Variants in DGKG observed in about 807,000 individuals in gnomAD.
DGKG encodes the protein DAG kinase gamma.
A neutral mutation model predicts 105.3 loss-of-function variants in DGKG; 78 were observed. That is an observed-to-expected ratio of 0.74 (90% CI 0.62 to 0.89). The LOEUF is 0.89. Among genes scored for constraint, DGKG ranks in the 40% least tolerant of loss-of-function variants. The pLI is 0.00. For synonymous variants in DGKG, 346 were observed against 367.1 expected (o/e 0.94, Z 0.66); for missense variants, 958 against 1,020.1 (o/e 0.94, Z 0.83).
rs151084762 is a variant in DGKG, at chr3:186,204,996, C to T, written c.1917+6799G>A. On this transcript the variant is annotated intron_variant, in intron 21 of 24. Coordinates refer to ENST00000265022, the MANE Select transcript of DGKG (RefSeq NM_001346.3). The stretch of plus-strand genomic sequence containing the variant: ...ACCAGGCCAGGTGCAGTGGCTCATG[C>T]ATGTAATCCCAGCACTTTGGGAGGC... Among the ~76,000 whole-genome samples the T allele has an allele frequency of 5.0e-3, 760 of 152,262 alleles. 4 individuals are homozygous for T. The highest frequency in any genetic ancestry group is 0.017 in the African/African-American group (724 of 41,556).
intron 22 of DGKG, among the ~76,000 whole-genome samples, chr3:186,181,399 C>G (rs1717351012): frequency 6.6e-6 from 1 of 152,168 alleles, no homozygotes. Context: ...AAAGTATTAT[C>G]TAGTGAGATC....
At chr3:186,247,522 G>A (rs547445246) in intron 19 of DGKG, among the ~76,000 whole-genome samples, 4 of 152,144 alleles carry the variant, frequency 2.6e-5, no homozygotes, top group Admixed American at 6.5e-5. Context: ...AAACTTCCTC[G>A]GTTTACATAC....
At chr3:186,341,107 C>T (rs1026251121) in intron 1 of DGKG, among the ~76,000 whole-genome samples, 5 of 152,204 alleles carry the variant, frequency 3.3e-5, no homozygotes, top group Non-Finnish European at 7.3e-5. Flanking sequence ...AACTGGATCT[C>T]CCACTAGTTT....
chr3:186,214,451 T>C (rs1476044741), intron 20 of DGKG, among the ~76,000 whole-genome samples: 1 of 152,224 alleles, frequency 6.6e-6, no homozygotes, highest in African/African-American at 2.4e-5. Flanking sequence ...GCTGGCATAT[T>C]TGGATAATAT....
intron 7 of DGKG, among the ~76,000 whole-genome samples, chr3:186,281,700 C>A (rs1017942751): frequency 2.0e-5 from 3 of 152,030 alleles, no homozygotes; most frequent in African/African-American, 4.8e-5. Flanking sequence ...AAAGTGGGCA[C>A]AAAGGTGGGG....
Position 186,267,684 on chromosome 3 carries a change from C to G in DGKG, c.1209+1G>C. ...GCCCTCGCCGGGGCAGGAGCACTTA[C>G]CCGGGTGATGGGGCATATGGAGGTG... On this transcript the variant is annotated splice_donor_variant, in intron 13 of 24. Coordinates refer to ENST00000265022, the MANE Select transcript of DGKG (RefSeq NM_001346.3). LOFTEE classifies it high-confidence loss of function. The G allele has an allele frequency of 6.2e-7, 1 of 1,613,710 alleles. No homozygotes were observed. Among genetic ancestry groups the G allele is most frequent in the South Asian group, 1.1e-5 (1 of 91,068 alleles).
rs542316129 is a variant in DGKG, at chr3:186,180,422, TAAG to T, written c.2095+7777_2095+7779del. Among the ~76,000 whole-genome samples the T allele has an allele frequency of 1.2e-4, 19 of 152,244 alleles. No homozygotes were observed. The South Asian group carries it at 3.9e-3, about 32-fold the overall frequency. ...TGTTGCCATGGTTACTCCCCAGAGCTAAGAAGAGTCCCAGTGCACACACCCATA... is the reference window on the plus strand; with the variant it reads ...TGTTGCCATGGTTACTCCCCAGAGCTAAGAGTCCCAGTGCACACACCCATA... On this transcript the variant is annotated intron_variant, in intron 22 of 24. Transcript: ENST00000265022.
At chr3:186,295,359 G>A (rs769539858) in intron 5 of DGKG, among the ~76,000 whole-genome samples, 69 of 152,030 alleles carry the variant, frequency 4.5e-4, no homozygotes, top group Middle Eastern at 6.8e-3. Context: ...AGAATTAGCC[G>A]GGTGTGGTGG....
At position 186,280,764 on chromosome 3, in the gene DGKG, G is replaced by T; in HGVS notation, c.595-20C>A. ...CATCTCCTAGAAAATAGCAAAGGGA[G>T]AAAATATCAAAAGGAGACAACCAGA... On this transcript the variant is annotated intron_variant, in intron 7 of 24. Transcript: ENST00000265022. 1 of 1,604,864 alleles carries T rather than the reference G, an allele frequency of 6.2e-7. No homozygotes were observed. Among genetic ancestry groups the T allele is most frequent in the South Asian group, 1.1e-5 (1 of 90,816 alleles).
In DGKG at chr3:186,147,507, A is replaced by G. The variant is rs1715560385; in HGVS notation, c.*2583T>C. ...ATGATTTGCAAGGCACGATTAAACA[A>G]CAACACAAGATTTACTAAGGTTACC... On this transcript the variant is annotated 3_prime_UTR_variant, in exon 25 of 25. Coordinates refer to ENST00000265022, the MANE Select transcript of DGKG (RefSeq NM_001346.3). 1.0e-6 allele frequency: 1 copy of G among 985,294 alleles called. No individual in the cohort carries two copies. The highest frequency in any genetic ancestry group is 1.2e-6 in the Non-Finnish European group (1 of 829,906). 61.0% of individuals were successfully genotyped at this position (985,294 alleles called of 1,614,324 possible). A position where few individuals can be genotyped will look rare whatever the true frequency, so the allele number is the denominator to read the frequency against.
chr3:186,167,817 G>A (rs1358265469), intron 22 of DGKG, among the ~76,000 whole-genome samples: 1 of 152,042 alleles, frequency 6.6e-6, no homozygotes, highest in East Asian at 1.9e-4. Flanking sequence ...AACAGTTACT[G>A]AGTAACAACT....
intron 16 of DGKG, among the ~76,000 whole-genome samples, chr3:186,258,898 G>A (rs13323465): frequency 0.087 from 13,209 of 152,066 alleles, 1,317 homozygotes; most frequent in African/African-American, 0.24. Flanking sequence ...CTGCCAAGGG[G>A]GTTCCTGGCA....
intron 1 of DGKG, among the ~76,000 whole-genome samples, chr3:186,341,269 G>A (rs192458581): frequency 1.8e-4 from 27 of 152,332 alleles, no homozygotes; most frequent in Admixed American, 1.7e-3. Context: ...GGAAGGGTAA[G>A]TTCATGTCTG....
intron 1 of DGKG, among the ~76,000 whole-genome samples, chr3:186,338,246 C>G (rs970884876): frequency 1.6e-4 from 25 of 151,546 alleles, no homozygotes; most frequent in African/African-American, 6.0e-4. Flanking sequence ...TGTGCAAGAC[C>G]TTCATGGAGA....
intron 19 of DGKG, among the ~76,000 whole-genome samples, chr3:186,249,054 G>A (rs2108559792): frequency 6.6e-6 from 1 of 152,302 alleles, no homozygotes; most frequent in African/African-American, 2.4e-5. Flanking sequence ...TGCAGGAGCT[G>A]AAGGCTGCAC....
At chr3:186,262,074 G>T (rs897089438) in intron 14 of DGKG, 22 of 268,524 alleles carry the variant, frequency 8.2e-5, no homozygotes, top group African/African-American at 5.0e-4. Flanking sequence ...TACAGCACAA[G>T]ATGAAATTTT....
At chr3:186,307,881 C>CCT (rs1553817651) in intron 2 of DGKG, among the ~76,000 whole-genome samples, 4 of 144,534 alleles carry the variant, frequency 2.8e-5, no homozygotes, top group Admixed American at 1.4e-4. Context: ...AACTCTGTCC[C>CCT]TTTTTTTTTT....
chr3:186,321,634 A>G (rs114233024), intron 1 of DGKG, among the ~76,000 whole-genome samples: 3,602 of 152,340 alleles, frequency 0.024, 75 homozygotes, highest in Non-Finnish European at 0.03. Flanking sequence ...CTGAGGGCCA[A>G]CTGCAAGGCA....
intron 1 of DGKG, among the ~76,000 whole-genome samples, chr3:186,334,517 T>C (rs1725739789): frequency 6.6e-6 from 1 of 152,202 alleles, no homozygotes; most frequent in Non-Finnish European, 1.5e-5. Context: ...TAGAGGTGCA[T>C]ACACCTCATG....
Sources: gnomAD v4.1 joint callset for allele counts (sites outside exome capture counted in the v4.1 genomes callset) on GRCh38, gnomAD v4.1.1 for gene constraint, MANE v1.5 for transcripts, NCBI Gene and HGNC (gene_info 2026-07-23, HGNC 2026-07-21) for gene names.